The following LOXL3 variants were observed in gnomAD, a reference collection of about 807,000 sequenced individuals.
LOXL3 encodes lysyl oxidase like 3.
Under a neutral mutation model 91.8 loss-of-function variants are expected in LOXL3, and 60 were observed. The ratio of observed to expected loss-of-function variants is 0.65; its 90% CI spans 0.53 to 0.81. The LOEUF is 0.81. Among genes scored for constraint, LOXL3 ranks in the 30% least tolerant of loss-of-function variants. The pLI is 0.00. For synonymous variants in LOXL3, 355 were observed against 387.6 expected (o/e 0.92, Z 0.99); for missense variants, 874 against 1,000.4 (o/e 0.87, Z 1.70).
chr2:74,550,836 A>G (rs1676958205), intron 2 of LOXL3, among the ~76,000 whole-genome samples: 2 of 151,928 alleles, frequency 1.3e-5, no homozygotes, highest in Admixed American at 1.3e-4. Context: ...TGAGGCTTGG[A>G]TGTCTAAGAT....
upstream of LOXL3, chr2:74,555,186 G>A (rs201401326): frequency 1.4e-5 from 23 of 1,613,222 alleles, no homozygotes; most frequent in Non-Finnish European, 8.5e-6. This position sits in a 1 kb window ranked among gnomAD's most constrained non-coding sequence, Gnocchi z 6.1. Flanking sequence ...TGCTCTACCC[G>A]GCCAGTCCCC....
At position 74,534,135 on chromosome 2, in the gene LOXL3, T is replaced by C. The variant is rs1558616524; in HGVS notation, c.2041A>G (p.Ile681Val). 1.2e-6 allele frequency: 2 copies of C among 1,614,196 alleles called. No homozygotes were observed. Among genetic ancestry groups the C allele is most frequent in the East Asian group, 2.2e-5 (1 of 44,880 alleles). The change falls in exon 12 of 14, where the codon ATC (isoleucine) becomes GTC (valine). Residue 681 changes from isoleucine to valine, a missense_variant. Coordinates refer to ENST00000264094, the MANE Select transcript of LOXL3 (RefSeq NM_032603.5). ...TAGTTTCCTGGCTTCACATCCGTGATGTCAATCCACTGACAGTCAATGTCA... is the reference window on the plus strand; with the variant it reads ...TAGTTTCCTGGCTTCACATCCGTGACGTCAATCCACTGACAGTCAATGTCA... ...RHDIDCQWID[I>V]TDVKPGNYIL...
Position 74,533,424 on chromosome 2 carries a change from C to T in LOXL3, c.*182G>A, listed in dbSNP as rs1471902362. 1.3e-5 allele frequency: 8 copies of T among 600,412 alleles called. No homozygotes were observed. Among genetic ancestry groups the T allele is most frequent in the African/African-American group, 9.3e-5 (5 of 53,866 alleles). The allele number at this position is 600,412 out of a possible 1,614,324, so 37.2% of individuals were successfully genotyped here. On this transcript the variant is annotated 3_prime_UTR_variant, in exon 14 of 14. Coordinates refer to ENST00000264094, the MANE Select transcript of LOXL3 (RefSeq NM_032603.5). ...GAGCAAAGATTCCCATGCTTGGCTA[C>T]AGATACTGACAGCTGGCCTCTGAAG...
Position 74,536,383 on chromosome 2 carries a change from C to T in LOXL3, c.1001G>A (p.Arg334His), listed in dbSNP as rs138480120. The T allele has an allele frequency of 6.8e-6, 11 of 1,614,056 alleles. No homozygotes were observed. The highest frequency in any genetic ancestry group is 2.2e-5 in the East Asian group (1 of 44,898). The stretch of plus-strand genomic sequence containing the variant: ...GCTGGCTGCATGCAGGTCCCACTTG[C>T]GGTCACAGACTGTGCCCCATGTGCT... The part of the protein sequence containing the change: ...KASTWGTVCD[R>H]KWDLHAASVV... The change falls in exon 6 of 14, where the codon CGC becomes CAC. Residue 334 changes from arginine to histidine, a missense_variant. By Grantham distance (29) the Arg-to-His change is conservative. Transcript: ENST00000264094. The surrounding 1 kb of genome is among the most constrained non-coding windows in gnomAD (Gnocchi z 4.5).
In LOXL3 at chr2:74,534,688, C is replaced by A; in HGVS notation, c.1666G>T (p.Ala556Ser). Residue 556 changes from alanine (A) to serine (S), a missense_variant, in exon 10 of 14, where the codon GCG (alanine) becomes TCG (serine). Transcript: ENST00000264094. ...DRPLHMLYCAAEENCLASSAR... is the reference protein window; with the variant it reads ...DRPLHMLYCASEENCLASSAR... ...GAGCTGGCCAGGCAGTTCTCTTCCG[C>A]AGCACAGTACAACATATGCAGGGGC... 1 of 1,614,196 alleles carries A rather than the reference C, an allele frequency of 6.2e-7. No individual in the cohort carries two copies. The highest frequency in any genetic ancestry group is 8.5e-7 in the Non-Finnish European group (1 of 1,180,042).
At position 74,549,931 on chromosome 2, in the gene LOXL3, G is replaced by A. The variant is rs375697517; in HGVS notation, c.477+254C>T. 3.0e-6 allele frequency: 3 copies of A among 985,446 alleles called. No individual in the cohort carries two copies. The African/African-American group carries it at 5.2e-5, about 17-fold the overall frequency. 61.0% of individuals were successfully genotyped at this position (985,446 alleles called of 1,614,324 possible). A position where few individuals can be genotyped will look rare whatever the true frequency, so the allele number is the denominator to read the frequency against. ...AAGCAGGAACATTTGAGGAGAAGGA[G>A]AGCACCAGGTGCCCCAGGGGTGACT... On this transcript the variant is annotated intron_variant, in intron 3 of 13. Transcript: ENST00000264094. The surrounding 1 kb of genome is among the most constrained non-coding windows in gnomAD (Gnocchi z 5.3).
At chr2:74,537,193 C>T (rs572470934) in intron 4 of LOXL3, among the ~76,000 whole-genome samples, 16 of 152,290 alleles carry the variant, frequency 1.1e-4, no homozygotes, top group African/African-American at 3.9e-4. Flanking sequence ...TGGCTAGTCT[C>T]GACTTGCCTG....
At chr2:74,545,773 C>T (rs1676555455) in intron 4 of LOXL3, among the ~76,000 whole-genome samples, 1 of 152,120 alleles carries the variant, frequency 6.6e-6, no homozygotes, top group Non-Finnish European at 1.5e-5. Context: ...TTTAGTCTCC[C>T]CAAGGTTCAG....
chr2:74,555,113 C>T (rs1677331513), upstream of LOXL3: 3 of 1,573,866 alleles, frequency 1.9e-6, no homozygotes, highest in African/African-American at 1.4e-5. This position sits in a 1 kb window ranked among gnomAD's most constrained non-coding sequence, Gnocchi z 6.1. Flanking sequence ...GGGCCGCCTG[C>T]GCACGCCACT....
Position 74,532,970 on chromosome 2 carries a change from T to C in LOXL3, c.*636A>G, listed in dbSNP as rs1397034286. The C allele has an allele frequency of 6.2e-6, 10 of 1,613,290 alleles. No homozygotes were observed. The highest frequency in any genetic ancestry group is 7.6e-6 in the Non-Finnish European group (9 of 1,179,622). ...AAACACTGACCTTATATGTGACCCCTGAGGTCACAGAATGAATAGATCACC... is the reference window on the plus strand; with the variant it reads ...AAACACTGACCTTATATGTGACCCCCGAGGTCACAGAATGAATAGATCACC... On this transcript the variant is annotated 3_prime_UTR_variant, in exon 14 of 14. Coordinates refer to ENST00000264094, the MANE Select transcript of LOXL3 (RefSeq NM_032603.5).
At chr2:74,540,137 G>A (rs193004133) in intron 4 of LOXL3, among the ~76,000 whole-genome samples, 3 of 152,252 alleles carry the variant, frequency 2.0e-5, no homozygotes, top group East Asian at 1.9e-4. Flanking sequence ...GTGAGCCACC[G>A]CACCTGGCTG....
chr2:74,550,656 T>C (rs1423904713), intron 2 of LOXL3, among the ~76,000 whole-genome samples: 1 of 152,210 alleles, frequency 6.6e-6, no homozygotes, highest in Non-Finnish European at 1.5e-5. Flanking sequence ...ATTAATCAGG[T>C]ACCTACTGTG....
At chr2:74,543,508 A>G (rs901051432) in intron 4 of LOXL3, among the ~76,000 whole-genome samples, 1 of 152,196 alleles carries the variant, frequency 6.6e-6, no homozygotes, top group African/African-American at 2.4e-5. Flanking sequence ...AAGTCAATCA[A>G]TAACCAAGTC....
upstream of LOXL3, chr2:74,555,595 G>T (rs145784646): frequency 3.3e-5 from 54 of 1,614,190 alleles, no homozygotes; most frequent in African/African-American, 6.4e-4. This position sits in a 1 kb window ranked among gnomAD's most constrained non-coding sequence, Gnocchi z 6.1. Flanking sequence ...GGACTCTGGC[G>T]CCTACCGATA....
At chr2:74,550,035 T>C in intron 3 of LOXL3, 150 bp downstream of exon 3, 2 of 1,470,946 alleles carry the variant, frequency 1.4e-6, no homozygotes. Context: ...TTTTACAGCA[T>C]CTGGGAGCTC....
chr2:74,536,637 C>T lies in LOXL3; in HGVS notation c.912+72G>A. On this transcript the variant is annotated intron_variant, in intron 5 of 13. Transcript: ENST00000264094. The surrounding 1 kb of genome is among the most constrained non-coding windows in gnomAD (Gnocchi z 4.5). Reference sequence around the variant, plus strand: ...TCTGTCCTCAAAGGTCAGGGCTGTGCTTAGTCTGGGGTTGCCAGGCTAGGG... The same window carrying T: ...TCTGTCCTCAAAGGTCAGGGCTGTGTTTAGTCTGGGGTTGCCAGGCTAGGG... 6.5e-7 allele frequency: 1 copy of T among 1,542,846 alleles called. No individual in the cohort carries two copies. Among genetic ancestry groups the T allele is most frequent in the South Asian group, 1.2e-5 (1 of 85,412 alleles).
chr2:74,539,348 A>G (rs755113909), intron 4 of LOXL3, among the ~76,000 whole-genome samples: 6 of 152,164 alleles, frequency 3.9e-5, no homozygotes, highest in Non-Finnish European at 8.8e-5. Flanking sequence ...CATTTCAGGA[A>G]CTCATGCTGC....
chr2:74,554,348 G>C (rs1338449270), upstream of LOXL3: 3 of 192,282 alleles, frequency 1.6e-5, no homozygotes, highest in South Asian at 1.8e-4. The surrounding 1 kb of genome is among the most constrained non-coding windows in gnomAD (Gnocchi z 4.9). Flanking sequence ...GGGCGGGCCC[G>C]GCCAGGGTAA....
In LOXL3 at chr2:74,536,685, G is replaced by A; in HGVS notation, c.912+24C>T. ...GGGGTTCTCCACCTGGGGTGGGAAA[G>A]GTCATAATCACTGTCTCACACACCT... On this transcript the variant is annotated intron_variant, in intron 5 of 13. Coordinates refer to ENST00000264094, the MANE Select transcript of LOXL3 (RefSeq NM_032603.5). This position sits in a 1 kb window ranked among gnomAD's most constrained non-coding sequence, Gnocchi z 4.5. 1.9e-6 allele frequency: 3 copies of A among 1,609,944 alleles called. No homozygotes were observed. Among genetic ancestry groups the A allele is most frequent in the Non-Finnish European group, 2.5e-6 (3 of 1,176,482 alleles).
Sources: gnomAD v4.1 joint callset for allele counts (sites outside exome capture counted in the v4.1 genomes callset) on GRCh38, gnomAD v4.1.1 for gene constraint, Gnocchi (gnomAD v3.1) non-coding constraint, MANE v1.5 for transcripts, NCBI Gene and HGNC (gene_info 2026-07-23, HGNC 2026-07-21) for gene names.